The following MDN1 variants were observed in gnomAD, a reference collection of about 807,000 sequenced individuals.
MDN1 encodes the protein midasin.
Under a neutral mutation model 669.2 loss-of-function variants are expected in MDN1, and 266 were observed. The ratio of observed to expected loss-of-function variants is 0.40; its 90% CI spans 0.36 to 0.44. The LOEUF is 0.44. Among genes scored for constraint, MDN1 ranks in the 20% least tolerant of loss-of-function variants. The pLI, the probability that MDN1 is intolerant of heterozygous loss-of-function variation, is 1.00. For synonymous variants in MDN1, 2,385 were observed against 2,457.1 expected, an observed-to-expected ratio of 0.97 and a Z score of 0.87; for missense variants, 5,940 against 6,754.0, an observed-to-expected ratio of 0.88 and a Z score of 4.22.
In MDN1 at chr6:89,658,593, C is replaced by G; in HGVS notation, c.15021+17G>C. ...CCTCATTATTTTTAACATAAAAAGC[C>G]AGACATCTCATGATACCTGGGGCTG... On this transcript the variant is annotated intron_variant, in intron 89 of 101. Transcript: ENST00000369393. 2 of 1,589,958 alleles carry G rather than the reference C, an allele frequency of 1.3e-6. No individual in the cohort carries two copies. Among genetic ancestry groups the G allele is most frequent in the South Asian group, 1.1e-5 (1 of 88,840 alleles).
chr6:89,784,630 G>A (rs1468150182), intron 9 of MDN1, among the ~76,000 whole-genome samples: 2 of 152,166 alleles, frequency 1.3e-5, no homozygotes, highest in Admixed American at 6.5e-5. Flanking sequence ...TTAATGCCTA[G>A]ATCAAAATGT....
chr6:89,803,827 C>T (rs551059337), intron 1 of MDN1, among the ~76,000 whole-genome samples: 10 of 151,504 alleles, frequency 6.6e-5, no homozygotes, highest in Non-Finnish European at 1.3e-4. Flanking sequence ...GTGATCCGCC[C>T]GCCTCAGCCT....
chr6:89,738,255 A>C, intron 33 of MDN1, 71 bp downstream of exon 33: 2 of 1,550,990 alleles, frequency 1.3e-6, no homozygotes, highest in Non-Finnish European at 1.8e-6. Context: ...ATGTCCTGTA[A>C]GAGATCCCTC....
chr6:89,717,383 C>T (rs1007099336), intron 43 of MDN1, among the ~76,000 whole-genome samples: 1 of 152,172 alleles, frequency 6.6e-6, no homozygotes, highest in Admixed American at 6.5e-5. Context: ...TTAGACTTAA[C>T]ATACCATAGT....
At chr6:89,706,011 A>G (rs767088978) in intron 53 of MDN1, 48 bp downstream of exon 53, 2 of 1,499,428 alleles carry the variant, frequency 1.3e-6, no homozygotes, top group Admixed American at 4.1e-5. Flanking sequence ...TTATGCCAAG[A>G]AAGATAAATT....
chr6:89,792,849 C>T (rs1290785283), intron 5 of MDN1, among the ~76,000 whole-genome samples: 3 of 151,844 alleles, frequency 2.0e-5, no homozygotes, highest in Non-Finnish European at 4.4e-5. Flanking sequence ...GAAATTCCGT[C>T]TCTACTAAAA....
chr6:89,803,584 C>CTTTTT, intron 1 of MDN1, 30 bp from the exon 2 acceptor site: 3 of 1,287,354 alleles, frequency 2.3e-6, no homozygotes, highest in Non-Finnish European at 2.2e-6. Context: ...ACATCTTTCA[C>CTTTTT]TTTTTTTTTT....
At chr6:89,778,261 G>A (rs1818452325) in intron 11 of MDN1, among the ~76,000 whole-genome samples, 1 of 150,338 alleles carries the variant, frequency 6.7e-6, no homozygotes, top group African/African-American at 2.4e-5. Flanking sequence ...TCGTCTCAGT[G>A]GTAGAGTTAG....
rs968511645 is a variant in MDN1, at chr6:89,685,828, C to T, written c.11718G>A (p.Lys3906=). The T allele has an allele frequency of 6.2e-7, 1 of 1,611,838 alleles. No homozygotes were observed. The highest frequency in any genetic ancestry group is 8.5e-7 in the Non-Finnish European group (1 of 1,179,622). Reference sequence around the variant, plus strand: ...AGGAAAGGAAAAAAAAATCCTCACCCTTTCCTTCAACCTGTGGCATCAGCA... The same window carrying T: ...AGGAAAGGAAAAAAAAATCCTCACCTTTTCCTTCAACCTGTGGCATCAGCA... ...HVLLMPQVEG[K]DSLCSVLWNL... is the part of the protein sequence containing the mutation. Residue 3906 remains lysine (K), a splice_region_variant and synonymous_variant, in exon 70 of 102, where the codon AAG becomes AAA. Coordinates refer to ENST00000369393, the MANE Select transcript of MDN1 (RefSeq NM_014611.3).
intron 15 of MDN1, among the ~76,000 whole-genome samples, chr6:89,764,788 G>A (rs1346906609): frequency 3.3e-5 from 5 of 152,138 alleles, no homozygotes; most frequent in African/African-American, 1.2e-4. Context: ...AGGGGAAGGT[G>A]AGAGATGATA....
rs138087002 is a variant in MDN1 at position 89,726,148 on chromosome 6, A to G, written c.5473-752T>C. 7.9e-3 allele frequency among the ~76,000 whole-genome samples: 1,202 copies of G among 152,192 alleles called. 27 individuals carry two copies. The highest frequency in any genetic ancestry group is 0.027 in the African/African-American group (1,134 of 41,502). ...AATACACAGATATTTCATTTTCACA[A>G]TCTGAGTTTTTAAGATGTGTAACAC... On this transcript the variant is annotated intron_variant, in intron 37 of 101. Transcript: ENST00000369393.
chr6:89,776,409 C>T (rs1225515597), intron 12 of MDN1, among the ~76,000 whole-genome samples, 191 bp downstream of exon 12: 4 of 152,072 alleles, frequency 2.6e-5, no homozygotes, highest in African/African-American at 7.2e-5. Flanking sequence ...TGTGGTGAGC[C>T]GAGATGGCGC....
In MDN1 at chr6:89,673,329, C is replaced by T; in HGVS notation, c.13381G>A (p.Glu4461Lys). The T allele has an allele frequency of 6.2e-7, 1 of 1,614,168 alleles. No homozygotes were observed. The highest frequency in any genetic ancestry group is 8.5e-7 in the Non-Finnish European group (1 of 1,180,020). Residue 4461 changes from glutamate (E) to lysine (K), a missense_variant, in exon 80 of 102, where the codon GAA becomes AAA. Around this residue, in one of 5 missense-constraint regions of MDN1, gnomAD observed 2,280 missense variants for 2,576.3 expected, o/e 0.88. Coordinates refer to ENST00000369393, the MANE Select transcript of MDN1 (RefSeq NM_014611.3). ...TCTCCTCTTACATATTCCAGACTTTCAACTAGTGCCATTTGTGAGTCTCTT... is the reference window on the plus strand; with the variant it reads ...TCTCCTCTTACATATTCCAGACTTTTAACTAGTGCCATTTGTGAGTCTCTT... The part of the protein sequence containing the change: ...EQRDSQMALV[E>K]SLEYVRGEIS...
chr6:89,754,252 G>A lies in MDN1; in HGVS notation c.2817-22C>T, dbSNP rs760356694. ...GAAGCTACAAATAGAATAAAGGTCAGGCAATTTTATTTACTAATAAGTATC... is the reference window on the plus strand; with the variant it reads ...GAAGCTACAAATAGAATAAAGGTCAAGCAATTTTATTTACTAATAAGTATC... On this transcript the variant is annotated intron_variant, in intron 20 of 101. Transcript: ENST00000369393. 20 of 1,603,970 alleles carry A rather than the reference G, an allele frequency of 1.2e-5. No individual in the cohort carries two copies. In the African/African-American group the frequency reaches 2.4e-4, roughly 19 times the overall value.
chr6:89,723,174 T>C (rs763091156), intron 39 of MDN1, 31 bp from the exon 40 acceptor site: 14 of 1,602,100 alleles, frequency 8.7e-6, no homozygotes, highest in African/African-American at 1.3e-5. Context: ...TTGGGAAACA[T>C]GCCCTGCTTA....
rs75555447 is a variant in MDN1, at chr6:89,679,960, G to A, written c.12265+629C>T. On this transcript the variant is annotated intron_variant, in intron 74 of 101. Coordinates refer to ENST00000369393, the MANE Select transcript of MDN1 (RefSeq NM_014611.3). Reference sequence around the variant, plus strand: ...GCAACGGCTGACAAGTTTTAAAAAGGAAGAGCTCCCTGAGATTAGATGCAA... The same window carrying A: ...GCAACGGCTGACAAGTTTTAAAAAGAAAGAGCTCCCTGAGATTAGATGCAA... Among the ~76,000 whole-genome samples, 739 of 152,306 alleles carry A rather than the reference G, an allele frequency of 4.9e-3. 5 individuals carry two copies. The highest frequency in any genetic ancestry group is 0.017 in the African/African-American group (689 of 41,556).
rs959928366 is a variant in MDN1, at chr6:89,745,725, G to A, written c.3905-99C>T. 17 of 1,195,766 alleles carry A rather than the reference G, an allele frequency of 1.4e-5. No homozygotes were observed. In the African/African-American group the frequency reaches 1.7e-4, roughly 12 times the overall value. 74.1% of individuals were successfully genotyped at this position (1,195,766 alleles called of 1,614,324 possible). On this transcript the variant is annotated intron_variant, in intron 27 of 101. Coordinates refer to ENST00000369393, the MANE Select transcript of MDN1 (RefSeq NM_014611.3). ...TATGAAACAATAGAAACTCTCATAC[G>A]CGGCTGGTGAGGTAGAAATCTGAAG...
intron 1 of MDN1, among the ~76,000 whole-genome samples, chr6:89,810,011 A>AT (rs1482380264): frequency 8.0e-6 from 1 of 124,772 alleles, no homozygotes; most frequent in Non-Finnish European, 1.9e-5. Context: ...AAAAAAAAAA[A>AT]AAAAAAAAAA....
chr6:89,668,103 C>T lies in MDN1; in HGVS notation c.14005G>A (p.Ala4669Thr), dbSNP rs1185268172. Residue 4669 changes from alanine to threonine, a missense_variant, in exon 84 of 102, where the codon GCA becomes ACA. Ala to Thr is a moderately conservative substitution (Grantham distance 58). Transcript: ENST00000369393. ...CCCTCATAGTCATGGAACTCAGTTG[C>T]TCCCTCTCCAGCTGAATCTTCCATA... ...EFMEDSAGEG[A>T]TEFHDYEGGG... 3.1e-6 allele frequency: 5 copies of T among 1,613,998 alleles called. No individual in the cohort carries two copies. The highest frequency in any genetic ancestry group is 3.3e-4 in the Middle Eastern group (2 of 6,084).
Sources: gnomAD v4.1 joint callset for allele counts (sites outside exome capture counted in the v4.1 genomes callset) on GRCh38, gnomAD v4.1.1 for gene constraint, gnomAD v4.1.1 regional missense constraint, MANE v1.5 for transcripts, NCBI Gene and HGNC (gene_info 2026-07-23, HGNC 2026-07-21) for gene names.